NKTR: variants seen among roughly 807,000 people sequenced by gnomAD.
NKTR encodes natural killer cell triggering receptor, also known as NK-tumor recognition protein.
In NKTR, 67 loss-of-function variants were observed where a neutral mutation model predicts 156.3. The observed-to-expected ratio is 0.43, with a 90% CI of 0.35 to 0.53. The LOEUF is 0.53. Ranked by LOEUF, NKTR falls within the 20% of genes least tolerant of loss-of-function variation. The pLI, the probability that NKTR is intolerant of heterozygous loss-of-function variation, is 0.01. For missense variants in NKTR, 1,604 were observed against 1,730.9 expected, an observed-to-expected ratio of 0.93 and a Z score of 1.30; for synonymous variants, 640 against 596.6, an observed-to-expected ratio of 1.07 and a Z score of -1.06.
rs1296466006 is a variant in NKTR at position 42,631,174 on chromosome 3, G to A, written c.408G>A (p.Val136=). The stretch of plus-strand genomic sequence containing the variant: ...TCTTGAATTTGTATTATGACAGGGT[G>A]CATGTAGTCTTTGGACTGGTTATTT... ...TTKPAPHLDG[V]HVVFGLVISG... Residue 136 remains valine (V), a synonymous_variant, in exon 8 of 17, where the codon GTG becomes GTA. Transcript: ENST00000232978. 6.2e-7 allele frequency: 1 copy of A among 1,613,834 alleles called. No homozygotes were observed.
In NKTR at chr3:42,639,451, G is replaced by A; in HGVS notation, c.3747G>A (p.Lys1249=). Reference sequence around the variant, plus strand: ...CCACATCCAGTGCTGTGGAAGTTAAGGTGTTGACCACTGTGCCTGAAATGA... The same window carrying A: ...CCACATCCAGTGCTGTGGAAGTTAAAGTGTTGACCACTGTGCCTGAAATGA... ...NAATSSAVEV[K]VLTTVPEMKP... The change falls in exon 13 of 17, where the codon AAG becomes AAA. Residue 1249 remains lysine (K), a synonymous_variant. Transcript: ENST00000232978. 1.2e-6 allele frequency: 2 copies of A among 1,614,190 alleles called. No homozygotes were observed. Among genetic ancestry groups the A allele is most frequent in the East Asian group, 2.2e-5 (1 of 44,878 alleles).
Position 42,637,186 on chromosome 3 carries a change from C to A in NKTR, c.1482C>A (p.His494Gln). The change falls in exon 13 of 17, where the codon CAC becomes CAA. Residue 494 changes from histidine (H) to glutamine (Q), a missense_variant. Around this residue, in one of 6 missense-constraint regions of NKTR, gnomAD observed 1,255 missense variants for 1,243.7 expected, o/e 1.01. Transcript: ENST00000232978. ...SSRSSSLSSH[H>Q]SSKRDWSKSD... ...GTTCTTCCTCATTGTCATCTCATCA[C>A]TCATCAAAGAGAGACTGGTCTAAAT... 6.2e-7 allele frequency: 1 copy of A among 1,612,410 alleles called. No individual in the cohort carries two copies. The highest frequency in any genetic ancestry group is 2.2e-5 in the East Asian group (1 of 44,864).
chr3:42,645,906 C>G lies in NKTR; in HGVS notation c.4320C>G (p.Gly1440=). The change falls in exon 17 of 17, where the codon GGC becomes GGG. Residue 1440 remains glycine, a synonymous_variant. Transcript: ENST00000232978. Reference sequence around the variant, plus strand: ...ATTACAGGAGTTGTAGATCTTATGGCTCTGACAGTGAAAGTGACCGAAGTT... The same window carrying G: ...ATTACAGGAGTTGTAGATCTTATGGGTCTGACAGTGAAAGTGACCGAAGTT... The part of the protein sequence containing the change: ...NRRSRSCRSY[G]SDSESDRSYS... The G allele has an allele frequency of 6.2e-7, 1 of 1,612,052 alleles. No individual in the cohort carries two copies. Among genetic ancestry groups the G allele is most frequent in the Non-Finnish European group, 8.5e-7 (1 of 1,178,610 alleles).
rs1434689090 is a variant in NKTR at position 42,619,001 on chromosome 3, T to TC, written c.134-19_134-18insC. 2 of 1,335,602 alleles carry TC rather than the reference T, an allele frequency of 1.5e-6. No individual in the cohort carries two copies. The highest frequency in any genetic ancestry group is 3.0e-5 in the African/African-American group (2 of 65,724). 82.7% of individuals were successfully genotyped at this position (1,335,602 alleles called of 1,614,324 possible). ...ATAAATAATTAAACTTCATTTCTTTTTTTTTTTTTTTTTTCCAGGAGAGAA... is the reference window on the plus strand; with the variant it reads ...ATAAATAATTAAACTTCATTTCTTTTCTTTTTTTTTTTTTTCCAGGAGAGAA... On this transcript the variant is annotated intron_variant, in intron 3 of 16. Transcript: ENST00000232978.
intron 5 of NKTR, chr3:42,619,916 T>A: frequency 6.9e-7 from 1 of 1,451,372 alleles, no homozygotes; most frequent in Non-Finnish European, 9.0e-7. Context: ...AGGCTAACTT[T>A]ATGGTTAAAC....
At chr3:42,607,312 A>G (rs944948823) in intron 2 of NKTR, among the ~76,000 whole-genome samples, 7 of 152,106 alleles carry the variant, frequency 4.6e-5, no homozygotes, top group African/African-American at 1.7e-4. Flanking sequence ...TCATTTTGCA[A>G]CCCCCATGGT....
rs756594613 is a variant in NKTR at position 42,647,921 on chromosome 3, C to G, written c.*1946C>G. 1 of 152,196 alleles carries G rather than the reference C, an allele frequency of 6.6e-6. No homozygotes were observed. The highest frequency in any genetic ancestry group is 2.4e-5 in the African/African-American group (1 of 41,452). The allele number at this position is 152,196 out of a possible 1,614,324, so 9.4% of individuals were successfully genotyped here. ...TGTGGCTGGATTCTCTGCTCAGGGT[C>G]TTAAAGGCTGAAATAAGGGTTGGCA... is the stretch of plus-strand genomic sequence containing the variant. On this transcript the variant is annotated 3_prime_UTR_variant, in exon 17 of 17. Coordinates refer to ENST00000232978, the MANE Select transcript of NKTR (RefSeq NM_005385.4).
chr3:42,604,658 C>CTTTT (rs1706019981), intron 2 of NKTR, among the ~76,000 whole-genome samples: 1 of 78,070 alleles, frequency 1.3e-5, no homozygotes, highest in African/African-American at 4.8e-5. Context: ...CTATTTCTCT[C>CTTTT]CTTTTTTTTT....
At position 42,643,996 on chromosome 3, in the gene NKTR, C is replaced by T. The variant is rs754823076; in HGVS notation, c.4294C>T (p.Arg1432Trp). ...CCACCGAGGCAGAAGTTATAATCGG[C>T]GGTCCAGGTGGGTCTCTCTCCTTTA... ...SYHRGRSYNR[R>W]SRSCRSYGSD... is the part of the protein sequence containing the mutation. The change falls in exon 16 of 17, where the codon CGG becomes TGG. Residue 1432 changes from arginine (R) to tryptophan (W), a missense_variant. Arg to Trp is a moderately radical substitution (Grantham distance 101). Transcript: ENST00000232978. 58 of 1,612,430 alleles carry T rather than the reference C, an allele frequency of 3.6e-5. No individual in the cohort carries two copies. The highest frequency in any genetic ancestry group is 2.1e-4 in the South Asian group (19 of 91,018).
chr3:42,636,031 G>C (rs966906907), intron 12 of NKTR, among the ~76,000 whole-genome samples: 16 of 152,278 alleles, frequency 1.1e-4, no homozygotes, highest in Middle Eastern at 3.4e-3. Context: ...GTTGACTGTT[G>C]ATCGCAGAGA....
chr3:42,603,209 A>G (rs1372880414), intron 2 of NKTR, among the ~76,000 whole-genome samples: 3 of 150,546 alleles, frequency 2.0e-5, no homozygotes, highest in Non-Finnish European at 4.4e-5. Flanking sequence ...ACAAAAAACA[A>G]TTTTTTTTTA....
chr3:42,621,002 G>A (rs758183920), intron 5 of NKTR: 112 of 951,042 alleles, frequency 1.2e-4, no homozygotes, highest in Middle Eastern at 1.1e-3. Flanking sequence ...TAAATTTACC[G>A]TATAAAAATT....
At chr3:42,600,929 C>T (rs1203677469) in intron 1 of NKTR, 55 bp from the exon 2 acceptor site, 3 of 1,140,372 alleles carry the variant, frequency 2.6e-6, no homozygotes, top group East Asian at 3.2e-5. Flanking sequence ...CTCGCCCCTG[C>T]CCTCGCCCCC....
intron 13 of NKTR, among the ~76,000 whole-genome samples, chr3:42,641,368 G>T (rs1709870204): frequency 1.3e-5 from 2 of 152,114 alleles, no homozygotes; most frequent in South Asian, 4.1e-4. Flanking sequence ...AAAACCTATG[G>T]TGATATTACA....
At chr3:42,630,835 CCA>C in intron 7 of NKTR, 1 of 1,330,204 alleles carries the variant, frequency 7.5e-7, no homozygotes. Flanking sequence ...CTTCAGTTTT[CCA>C]AAATGGGTCG....
chr3:42,635,190 T>G (rs1331513104), intron 11 of NKTR, 31 bp from the exon 12 acceptor site: 20 of 1,595,564 alleles, frequency 1.3e-5, no homozygotes, highest in Non-Finnish European at 1.7e-5. Flanking sequence ...GAGAGGCATT[T>G]TTTAAAATAC....
At chr3:42,644,131 C>T in intron 16 of NKTR, 128 bp downstream of exon 16, 1 of 589,588 alleles carries the variant, frequency 1.7e-6, no homozygotes, top group African/African-American at 1.9e-5. Context: ...ATACTTCTTC[C>T]TTTAAATCTG....
intron 6 of NKTR, among the ~76,000 whole-genome samples, chr3:42,624,326 A>G (rs573322830): frequency 3.2e-4 from 48 of 152,168 alleles, no homozygotes; most frequent in African/African-American, 1.1e-3. Flanking sequence ...ATATGGCACT[A>G]TACCCATGAA....
chr3:42,630,460 C>G, intron 6 of NKTR, 86 bp from the exon 7 acceptor site: 3 of 1,596,588 alleles, frequency 1.9e-6, no homozygotes, highest in Non-Finnish European at 2.6e-6. Flanking sequence ...TCTTTGTTCT[C>G]TACATGCTGT....
Sources: gnomAD v4.1 joint callset for allele counts (sites outside exome capture counted in the v4.1 genomes callset) on GRCh38, gnomAD v4.1.1 for gene constraint, gnomAD v4.1.1 regional missense constraint, MANE v1.5 for transcripts, NCBI Gene and HGNC (gene_info 2026-07-23, HGNC 2026-07-21) for gene names.